Variants in SDK1 observed in about 807,000 individuals in gnomAD.
SDK1 encodes the protein sidekick cell adhesion molecule 1.
In SDK1, 157 loss-of-function variants were observed where a neutral mutation model predicts 245.5. That is an observed-to-expected ratio of 0.64 (90% CI 0.56 to 0.73). The LOEUF is 0.73. SDK1 is among the 30% of genes least tolerant of loss of function. The pLI, the probability that SDK1 is intolerant of heterozygous loss-of-function variation, is 0.00. For synonymous variants in SDK1, 1,647 were observed against 1,278.5 expected (o/e 1.29, Z -6.15); for missense variants, 3,583 against 3,002.3 (o/e 1.19, Z -4.52).
intron 4 of SDK1, among the ~76,000 whole-genome samples, chr7:3,738,311 T>C (rs1313017746): frequency 6.6e-6 from 1 of 152,224 alleles, no homozygotes; most frequent in Non-Finnish European, 1.5e-5. Flanking sequence ...CTGTCCTTTA[T>C]CCATTGAATG....
intron 1 of SDK1, among the ~76,000 whole-genome samples, chr7:3,613,492 A>G (rs955270140): frequency 6.6e-6 from 1 of 152,188 alleles, no homozygotes; most frequent in African/African-American, 2.4e-5. Context: ...AGTTACAGGC[A>G]TTCTAACTGG....
At chr7:3,524,462 T>A (rs1284722484) in intron 1 of SDK1, among the ~76,000 whole-genome samples, 1 of 152,122 alleles carries the variant, frequency 6.6e-6, no homozygotes, top group East Asian at 1.9e-4. Context: ...TGGCAGGAAG[T>A]ATAGGATTGG....
intron 1 of SDK1, among the ~76,000 whole-genome samples, chr7:3,615,278 T>G (rs1781730707): frequency 6.6e-6 from 1 of 151,658 alleles, no homozygotes; most frequent in Non-Finnish European, 1.5e-5. Context: ...CTACCTCCAT[T>G]GCAGTTCAGC....
chr7:3,327,513 C>T (rs1352646225), intron 1 of SDK1, among the ~76,000 whole-genome samples: 2 of 152,072 alleles, frequency 1.3e-5, no homozygotes, highest in Non-Finnish European at 2.9e-5. Context: ...ACTTCACATA[C>T]CCATCTCTCC....
intron 1 of SDK1, among the ~76,000 whole-genome samples, chr7:3,453,999 T>C (rs1355398038): frequency 6.6e-6 from 1 of 152,230 alleles, no homozygotes; most frequent in Non-Finnish European, 1.5e-5. Flanking sequence ...TGGGAAGTTT[T>C]AGGAATTAGA....
rs114343200 is a variant in SDK1 at position 3,837,944 on chromosome 7, A to G, written c.847+16361A>G. Among the ~76,000 whole-genome samples the G allele has an allele frequency of 5.1e-3, 777 of 152,262 alleles. 7 individuals carry two copies. The highest frequency in any genetic ancestry group is 0.018 in the African/African-American group (731 of 41,550). ...GCTCCTGGAGTGATCTAACAGTGGT[A>G]AGAGCTTGTCCTGACCAGGAAGACT... On this transcript the variant is annotated intron_variant, in intron 5 of 44. Transcript: ENST00000404826.
chr7:3,706,231 T>A (rs1265885752), intron 4 of SDK1, among the ~76,000 whole-genome samples: 1 of 152,206 alleles, frequency 6.6e-6, no homozygotes, highest in Admixed American at 6.5e-5. Context: ...TTTTATTTTT[T>A]GTTGCTGTTA....
Position 4,249,058 on chromosome 7 carries a change from AAC to A in SDK1, c.6381+3257_6381+3258del, listed in dbSNP as rs1787122464. 2.0e-5 allele frequency among the ~76,000 whole-genome samples: 3 copies of A among 152,194 alleles called. No individual in the cohort carries two copies. The East Asian group carries it at 5.8e-4, about 29-fold the overall frequency. On this transcript the variant is annotated intron_variant, in intron 44 of 44. Coordinates refer to ENST00000404826, the MANE Select transcript of SDK1 (RefSeq NM_152744.4). Reference sequence around the variant, plus strand: ...ACATATGCATATACACCTAAATACAAACACATACACAGAGGTGGCCTCAGGGA... The same window carrying A: ...ACATATGCATATACACCTAAATACAAACATACACAGAGGTGGCCTCAGGGA...
At chr7:3,358,788 A>T (rs1192590345) in intron 1 of SDK1, among the ~76,000 whole-genome samples, 2 of 152,216 alleles carry the variant, frequency 1.3e-5, no homozygotes, top group East Asian at 1.9e-4. Context: ...TGTGTCCTAG[A>T]TGGAGGCAAA....
At chr7:3,306,723 T>C (rs1156669529) in intron 1 of SDK1, among the ~76,000 whole-genome samples, 1 of 152,196 alleles carries the variant, frequency 6.6e-6, no homozygotes, top group Non-Finnish European at 1.5e-5. Flanking sequence ...CTTTATGTTA[T>C]TTCCATCCTC....
chr7:4,266,620 A>G lies in SDK1; in HGVS notation c.*1236A>G, dbSNP rs1788487970. On this transcript the variant is annotated 3_prime_UTR_variant, in exon 45 of 45. Transcript: ENST00000404826. Reference sequence around the variant, plus strand: ...ATTGTTTGGTTTAAATTTTTCAGCTAGATGAAAAGAGTATGAACTACTTTG... The same window carrying G: ...ATTGTTTGGTTTAAATTTTTCAGCTGGATGAAAAGAGTATGAACTACTTTG... 4 of 985,302 alleles carry G rather than the reference A, an allele frequency of 4.1e-6. No individual in the cohort carries two copies. Among genetic ancestry groups the G allele is most frequent in the South Asian group, 4.7e-5 (1 of 21,296 alleles). 61.0% of individuals were successfully genotyped at this position (985,302 alleles called of 1,614,324 possible). A position where few individuals can be genotyped will look rare whatever the true frequency, so the allele number is the denominator to read the frequency against.
intron 1 of SDK1, among the ~76,000 whole-genome samples, chr7:3,453,687 C>T (rs1291423220): frequency 6.6e-6 from 1 of 152,180 alleles, no homozygotes; most frequent in Admixed American, 6.5e-5. Context: ...TCAAACCATC[C>T]TCTTGCCACA....
At chr7:4,193,245 A>G (rs891733198) in intron 35 of SDK1, among the ~76,000 whole-genome samples, 1 of 133,940 alleles carries the variant, frequency 7.5e-6, no homozygotes, top group Non-Finnish European at 1.5e-5. Context: ...TAAATATACA[A>G]TATATTGTAA....
intron 1 of SDK1, among the ~76,000 whole-genome samples, chr7:3,344,885 C>G (rs796169812): frequency 7.9e-5 from 12 of 152,292 alleles, no homozygotes; most frequent in African/African-American, 2.9e-4. Context: ...GCCAGTCTTA[C>G]TGTTGTACAG....
intron 1 of SDK1, among the ~76,000 whole-genome samples, chr7:3,407,801 C>T (rs1488175051): frequency 6.6e-6 from 1 of 152,134 alleles, no homozygotes; most frequent in Non-Finnish European, 1.5e-5. Context: ...AAGGAGTTCC[C>T]ACTTTTGTGG....
At position 3,434,283 on chromosome 7, in the gene SDK1, A is replaced by C. The variant is rs574600852; in HGVS notation, c.298+132399A>C. On this transcript the variant is annotated intron_variant, in intron 1 of 44. Transcript: ENST00000404826. ...TCTTCTAATGCAGATGAATATGTCA[A>C]CATGATTTTTCTTTCATCAGGAGCC... Among the ~76,000 whole-genome samples the C allele has an allele frequency of 7.2e-5, 11 of 152,312 alleles. No homozygotes were observed. The East Asian group carries it at 2.1e-3, about 29-fold the overall frequency.
At chr7:3,750,216 A>G (rs1485718175) in intron 4 of SDK1, among the ~76,000 whole-genome samples, 1 of 151,754 alleles carries the variant, frequency 6.6e-6, no homozygotes, top group Non-Finnish European at 1.5e-5. Context: ...ACATCTCTAA[A>G]AGAAGGTGTT....
At chr7:3,721,577 T>A (rs574592584) in intron 4 of SDK1, among the ~76,000 whole-genome samples, 1 of 152,238 alleles carries the variant, frequency 6.6e-6, no homozygotes, top group Non-Finnish European at 1.5e-5. Context: ...TGCACCCTTC[T>A]GACGCAAATG....
intron 1 of SDK1, among the ~76,000 whole-genome samples, chr7:3,304,499 A>G (rs1440368759): frequency 2.0e-5 from 3 of 152,216 alleles, no homozygotes; most frequent in Non-Finnish European, 4.4e-5. Flanking sequence ...TTCAGCTTGC[A>G]TTCCTCAGGC....
Sources: gnomAD v4.1 joint callset for allele counts (sites outside exome capture counted in the v4.1 genomes callset) on GRCh38, gnomAD v4.1.1 for gene constraint, MANE v1.5 for transcripts, NCBI Gene and HGNC (gene_info 2026-07-23, HGNC 2026-07-21) for gene names.